The following PALM variants were observed in gnomAD, a reference collection of about 807,000 sequenced individuals.
The protein encoded by PALM is paralemmin.
A neutral mutation model predicts 30.7 loss-of-function variants in PALM; 18 were observed. The ratio of observed to expected loss-of-function variants is 0.59; its 90% CI spans 0.41 to 0.87. The LOEUF (loss-of-function observed/expected upper bound fraction) is 0.87. Among genes scored for constraint, PALM ranks in the 40% least tolerant of loss-of-function variants. The pLI is 0.00. For missense variants in PALM, 529 were observed against 555.4 expected (o/e 0.95, Z 0.48); for synonymous variants, 286 against 242.8 (o/e 1.18, Z -1.66).
chr19:726,990 A>T lies in PALM; in HGVS notation c.58-18A>T. On this transcript the variant is annotated intron_variant, in intron 2 of 8. Coordinates refer to ENST00000338448, the MANE Select transcript of PALM (RefSeq NM_002579.3). ...GACCCCCACGCCCATCCCTGACCCC[A>T]CCCGGCCCTCCCCACAGGAGAAGCG... The T allele has an allele frequency of 3.7e-6, 2 of 538,622 alleles. No individual in the cohort carries two copies. The highest frequency in any genetic ancestry group is 6.4e-6 in the Non-Finnish European group (2 of 310,868). 33.4% of individuals were successfully genotyped at this position (538,622 alleles called of 1,614,324 possible). A position where few individuals can be genotyped will look rare whatever the true frequency, so the allele number is the denominator to read the frequency against.
At chr19:719,318 G>C in intron 1 of PALM, 1 of 985,448 alleles carries the variant, frequency 1.0e-6, no homozygotes, top group Non-Finnish European at 1.2e-6. Flanking sequence ...CCTCTGCGGG[G>C]CTCCCGTCGG....
intron 4 of PALM, among the ~76,000 whole-genome samples, chr19:728,393 C>T (rs373438779): frequency 4.6e-5 from 7 of 152,372 alleles, no homozygotes; most frequent in African/African-American, 1.7e-4. Flanking sequence ...CTCGCAGGCC[C>T]TTCCCAGACG....
At chr19:728,905 G>C (rs2032779233) in intron 4 of PALM, among the ~76,000 whole-genome samples, 1 of 152,174 alleles carries the variant, frequency 6.6e-6, no homozygotes, top group Admixed American at 6.6e-5. Context: ...TCATGAGACT[G>C]AGGCAGGAGA....
intron 1 of PALM, among the ~76,000 whole-genome samples, chr19:714,660 C>G (rs576579448): frequency 5.3e-5 from 8 of 151,370 alleles, no homozygotes; most frequent in African/African-American, 1.9e-4. Context: ...GCCCAGCCTT[C>G]TTTTTTTTAG....
chr19:738,772 G>T (rs956559741), intron 7 of PALM, among the ~76,000 whole-genome samples: 2 of 152,186 alleles, frequency 1.3e-5, no homozygotes, highest in African/African-American at 4.8e-5. Context: ...AAGCGTCGAG[G>T]TTGGGTGGGA....
intron 8 of PALM, among the ~76,000 whole-genome samples, chr19:744,907 C>T (rs1443444773): frequency 2.2e-5 from 3 of 139,020 alleles, no homozygotes; most frequent in East Asian, 2.1e-4. Context: ...GCAGCAGGCA[C>T]GGTGGCTCAC....
At chr19:713,892 T>TTTTC (rs1309612305) in intron 1 of PALM, among the ~76,000 whole-genome samples, 34 of 144,426 alleles carry the variant, frequency 2.4e-4, no homozygotes, top group Non-Finnish European at 4.2e-4. Context: ...TATGTTCTTT[T>TTTTC]TTTCTTTCTT....
chr19:727,487 G>C, intron 3 of PALM, 77 bp from the exon 4 acceptor site: 2 of 1,244,678 alleles, frequency 1.6e-6, no homozygotes, highest in Non-Finnish European at 2.3e-6. Flanking sequence ...CCCTGATCCT[G>C]ACCCTGACCT....
At chr19:712,314 T>C (rs567079103) in intron 1 of PALM, among the ~76,000 whole-genome samples, 3 of 151,704 alleles carry the variant, frequency 2.0e-5, no homozygotes, top group Non-Finnish European at 4.4e-5. Flanking sequence ...GTGAGCCACG[T>C]GCCTGGCTGA....
chr19:738,586 G>A (rs771147608), intron 7 of PALM, among the ~76,000 whole-genome samples: 36 of 152,166 alleles, frequency 2.4e-4, no homozygotes, highest in Non-Finnish European at 4.3e-4. Flanking sequence ...CAGGGTGGGG[G>A]CAGGTGTAGG....
At chr19:727,273 G>A (rs1298064059) in intron 3 of PALM, among the ~76,000 whole-genome samples, 185 bp downstream of exon 3, 3 of 47,092 alleles carry the variant, frequency 6.4e-5, no homozygotes, top group Non-Finnish European at 1.2e-4. Flanking sequence ...ACCTGACCCC[G>A]ACCCTGACCC....
At chr19:710,875 G>A (rs2032055292) in intron 1 of PALM, among the ~76,000 whole-genome samples, 2 of 152,236 alleles carry the variant, frequency 1.3e-5, no homozygotes, top group African/African-American at 4.8e-5. Context: ...TTCCCGGGCT[G>A]ACAATGGGTG....
chr19:716,765 G>A (rs985908733), intron 1 of PALM, among the ~76,000 whole-genome samples: 2 of 152,230 alleles, frequency 1.3e-5, no homozygotes, highest in Admixed American at 6.5e-5. Context: ...TGTTGAGAAG[G>A]CTGGCATTCC....
At chr19:732,492 C>T (rs1004360796) in intron 5 of PALM, among the ~76,000 whole-genome samples, 2 of 152,174 alleles carry the variant, frequency 1.3e-5, no homozygotes, top group African/African-American at 4.8e-5. Context: ...GTCAGGAGTT[C>T]AAGACCAGCC....
At chr19:740,224 C>T (rs1032848093) in intron 7 of PALM, 128 bp from the exon 8 acceptor site, 35 of 918,468 alleles carry the variant, frequency 3.8e-5, no homozygotes, top group Admixed American at 6.0e-5. Flanking sequence ...CAGGCATCCC[C>T]GGCTCCGCCT....
intron 3 of PALM, among the ~76,000 whole-genome samples, chr19:727,350 A>G (rs946974166): frequency 6.8e-6 from 1 of 147,190 alleles, no homozygotes; most frequent in Non-Finnish European, 1.5e-5. Context: ...CCTGACCCCA[A>G]CCTCAATCCT....
chr19:745,167 C>T (rs750625013), intron 8 of PALM, among the ~76,000 whole-genome samples: 2 of 151,960 alleles, frequency 1.3e-5, no homozygotes, highest in Admixed American at 6.6e-5. Flanking sequence ...GCAACAAGAG[C>T]GAAACTCCAT....
chr19:731,729 T>C (rs1236929430), intron 5 of PALM, among the ~76,000 whole-genome samples: 1 of 151,996 alleles, frequency 6.6e-6, no homozygotes, highest in Non-Finnish European at 1.5e-5. Flanking sequence ...AGTGTAGTGG[T>C]ACAGTCTGCA....
intron 5 of PALM, among the ~76,000 whole-genome samples, chr19:731,464 G>A (rs957004106): frequency 1.7e-4 from 26 of 152,076 alleles, no homozygotes; most frequent in African/African-American, 6.0e-4. Context: ...TAAGATGGGG[G>A]AGTAATCAGA....
Sources: allele counts gnomAD v4.1 joint callset (sites outside exome capture counted in the v4.1 genomes callset), GRCh38; gene constraint gnomAD v4.1.1; transcripts MANE v1.5; gene names NCBI Gene and HGNC (gene_info 2026-07-23, HGNC 2026-07-21).